The following ZNF611 variants were observed in gnomAD, a reference collection of about 807,000 sequenced individuals.
The protein encoded by ZNF611 is zinc finger protein 611.
A neutral mutation model predicts 8.9 loss-of-function variants in ZNF611; 6 were observed. The observed-to-expected ratio is 0.68, with a 90% CI of 0.37 to 1.34. The LOEUF (loss-of-function observed/expected upper bound fraction) is 1.34. ZNF611 is among the 40% of genes most tolerant of loss of function. The pLI is 0.02. For synonymous variants in ZNF611, 262 were observed against 279.7 expected, an observed-to-expected ratio of 0.94 and a Z score of 0.63; for missense variants, 874 against 841.3, an observed-to-expected ratio of 1.04 and a Z score of -0.48.
Position 52,704,533 on chromosome 19 carries a change from C to G in ZNF611, c.*404G>C. 1 of 1,217,764 alleles carries G rather than the reference C, an allele frequency of 8.2e-7. No homozygotes were observed. Among genetic ancestry groups the G allele is most frequent in the South Asian group, 1.3e-5 (1 of 79,338 alleles). The allele number at this position is 1,217,764 out of a possible 1,614,324, so 75.4% of individuals were successfully genotyped here. On this transcript the variant is annotated 3_prime_UTR_variant, in exon 6 of 6. Transcript: ENST00000652185. ...GTCATGACATTTGTAAGGTTTCTCTCCAGTATGAGTTCACCGATGACCTGC... is the reference window on the plus strand; with the variant it reads ...GTCATGACATTTGTAAGGTTTCTCTGCAGTATGAGTTCACCGATGACCTGC...
intron 5 of ZNF611, among the ~76,000 whole-genome samples, chr19:52,713,106 G>A (rs2062291577): frequency 6.6e-6 from 1 of 152,136 alleles, no homozygotes. Context: ...TGAGGCAGGA[G>A]AGTCGCTTGA....
chr19:52,723,166 C>T (rs1568607498), intron 3 of ZNF611, among the ~76,000 whole-genome samples: 1 of 150,532 alleles, frequency 6.6e-6, no homozygotes, highest in Admixed American at 6.7e-5. Flanking sequence ...TTATTTTGTA[C>T]CTCTCTCCTC....
chr19:52,725,827 T>C (rs1053702080), intron 3 of ZNF611, among the ~76,000 whole-genome samples: 2 of 151,790 alleles, frequency 1.3e-5, no homozygotes, highest in South Asian at 2.1e-4. Flanking sequence ...GGGGCCTGGG[T>C]GGGACAGAGG....
chr19:52,732,886 C>T (rs908633912), intron 1 of ZNF611, among the ~76,000 whole-genome samples: 3 of 151,876 alleles, frequency 2.0e-5, no homozygotes, highest in Admixed American at 6.6e-5. Flanking sequence ...CTTAAGAGGT[C>T]GAGGCTGCAG....
chr19:52,710,375 T>G (rs2062271999), intron 5 of ZNF611, among the ~76,000 whole-genome samples: 1 of 151,896 alleles, frequency 6.6e-6, no homozygotes, highest in Non-Finnish European at 1.5e-5. Flanking sequence ...GATTACAGGT[T>G]CATACCAACA....
chr19:52,716,081 G>A (rs986308756), intron 3 of ZNF611, 168 bp from the exon 4 acceptor site: 30 of 731,760 alleles, frequency 4.1e-5, no homozygotes, highest in Non-Finnish European at 5.5e-5. Context: ...ACCTATGAGT[G>A]TATATTTGAC....
At chr19:52,724,528 T>A (rs969495972) in intron 3 of ZNF611, 1 of 152,182 alleles carries the variant, frequency 6.6e-6, no homozygotes, top group Non-Finnish European at 1.5e-5. Flanking sequence ...AACAGTCTGA[T>A]CTCTCTTTTT....
At chr19:52,707,216 ATATT>A (rs1165520316) in intron 5 of ZNF611, among the ~76,000 whole-genome samples, 1 of 151,724 alleles carries the variant, frequency 6.6e-6, no homozygotes, top group Non-Finnish European at 1.5e-5. Context: ...TATACTCTTC[ATATT>A]TAAAGCATAT....
intron 3 of ZNF611, among the ~76,000 whole-genome samples, chr19:52,728,492 C>T (rs1435668780): frequency 1.3e-5 from 2 of 151,748 alleles, no homozygotes; most frequent in Non-Finnish European, 2.9e-5. Flanking sequence ...GAGCCGAGAT[C>T]GCACCATTTA....
intron 3 of ZNF611, among the ~76,000 whole-genome samples, chr19:52,716,532 T>C (rs1392582224): frequency 6.6e-6 from 1 of 152,084 alleles, no homozygotes; most frequent in Non-Finnish European, 1.5e-5. Flanking sequence ...AGACAGTGGA[T>C]GACAAAGGCA....
At chr19:52,713,977 G>C (rs1052988876) in intron 5 of ZNF611, 38 bp downstream of exon 5, 1 of 1,612,200 alleles carries the variant, frequency 6.2e-7, no homozygotes, top group Non-Finnish European at 8.5e-7. Context: ...AGATAGACAA[G>C]AGCAGACTCC....
In ZNF611 at chr19:52,706,191, C is replaced by A. The variant is rs770305299; in HGVS notation, c.864G>T (p.Lys288Asn). Residue 288 changes from lysine to asparagine, a missense_variant, in exon 6 of 6, where the codon AAG (lysine) becomes AAT (asparagine). Lys to Asn is a moderately conservative substitution (Grantham distance 94). Transcript: ENST00000652185. The stretch of plus-strand genomic sequence containing the variant: ...TGAAGGTCTTGCCACACTCTTTACA[C>A]TTGTAAGGTTTCTCAACAGTGTGAC... The part of the protein sequence containing the change: ...DRCHTVEKPY[K>N]CKECGKTFSQ... 1 of 1,614,160 alleles carries A rather than the reference C, an allele frequency of 6.2e-7. No homozygotes were observed. Among genetic ancestry groups the A allele is most frequent in the East Asian group, 2.2e-5 (1 of 44,880 alleles).
chr19:52,714,737 C>T (rs1174835382), intron 4 of ZNF611, among the ~76,000 whole-genome samples: 1 of 125,418 alleles, frequency 8.0e-6, no homozygotes, highest in African/African-American at 3.4e-5. Flanking sequence ...CAGTGACTGT[C>T]ACCTGTAATC....
rs534454939 is a variant in ZNF611 at position 52,712,292 on chromosome 19, C to T, written c.190+1723G>A. On this transcript the variant is annotated intron_variant, in intron 5 of 5. Coordinates refer to ENST00000652185, the MANE Select transcript of ZNF611 (RefSeq NM_001161499.2). ...GGAGACCATGGGGGTGAACAAGGAT[C>T]CCCTGGCTGAGTAGGTAGAGATGTG... is the stretch of plus-strand genomic sequence containing the variant. Among the ~76,000 whole-genome samples, 9 of 151,724 alleles carry T rather than the reference C, an allele frequency of 5.9e-5. No individual in the cohort carries two copies. The South Asian group carries it at 1.5e-3, about 25-fold the overall frequency.
intron 3 of ZNF611, among the ~76,000 whole-genome samples, chr19:52,717,857 T>C (rs1004038014): frequency 1.2e-4 from 19 of 152,160 alleles, no homozygotes; most frequent in African/African-American, 4.6e-4. Context: ...CTTTATCAAG[T>C]ACACACTGAA....
chr19:52,707,854 C>T (rs1352405327), intron 5 of ZNF611, among the ~76,000 whole-genome samples: 1 of 151,910 alleles, frequency 6.6e-6, no homozygotes, highest in East Asian at 2.0e-4. Flanking sequence ...TGGTCTCAAA[C>T]TCCTGACCTC....
At chr19:52,726,722 GT>G (rs56146245) in intron 3 of ZNF611, among the ~76,000 whole-genome samples, 36,429 of 130,120 alleles carry the variant, frequency 0.28, 3,934 homozygotes, top group Middle Eastern at 0.34. Context: ...TCGGCCTTGT[GT>G]TTTTTTTTTT....
Position 52,704,776 on chromosome 19 carries a change from G to C in ZNF611, c.*161C>G. On this transcript the variant is annotated 3_prime_UTR_variant, in exon 6 of 6. Transcript: ENST00000652185. ...TTTGCCACACTCATTACACTTGTAA[G>C]GTTTCTCTCCAGTGTGAAGTCCAGT... The C allele has an allele frequency of 6.3e-7, 1 of 1,594,654 alleles. No individual in the cohort carries two copies. Among genetic ancestry groups the C allele is most frequent in the Non-Finnish European group, 8.6e-7 (1 of 1,162,988 alleles).
intron 3 of ZNF611, chr19:52,724,628 A>C (rs2062380287): frequency 6.6e-6 from 1 of 150,928 alleles, no homozygotes; most frequent in Non-Finnish European, 1.5e-5. Context: ...CTCTTCTCTT[A>C]TCTCTCCATC....
Sources: allele counts gnomAD v4.1 joint callset (sites outside exome capture counted in the v4.1 genomes callset), GRCh38; gene constraint gnomAD v4.1.1; transcripts MANE v1.5; gene names NCBI Gene and HGNC (gene_info 2026-07-23, HGNC 2026-07-21).